The following FHOD3 variants were observed in gnomAD, a reference collection of about 807,000 sequenced individuals.
FHOD3 encodes the protein formin homology 2 domain containing 3.
Under a neutral mutation model 173.0 loss-of-function variants are expected in FHOD3, and 90 were observed. The ratio of observed to expected loss-of-function variants is 0.52; its 90% confidence interval spans 0.44 to 0.62. The LOEUF (loss-of-function observed/expected upper bound fraction) is 0.62, where lower values mean the gene tolerates loss of function less well. Ranked by LOEUF, FHOD3 falls within the 20% of genes least tolerant of loss-of-function variation. FHOD3 has a pLI of 0.00. For synonymous variants in FHOD3, 828 were observed against 823.0 expected, an observed-to-expected ratio of 1.01 and a Z score of -0.10; for missense variants, 1,945 against 2,034.7, an observed-to-expected ratio of 0.96 and a Z score of 0.85.
intron 20 of FHOD3, among the ~76,000 whole-genome samples, chr18:36,734,469 C>T (rs933676059): frequency 7.9e-5 from 12 of 152,054 alleles, no homozygotes; most frequent in African/African-American, 2.9e-4. Context: ...GATCTAAAGG[C>T]TGCCTGTGTG....
At chr18:36,542,914 C>A (rs1004395246) in intron 5 of FHOD3, among the ~76,000 whole-genome samples, 5 of 152,130 alleles carry the variant, frequency 3.3e-5, no homozygotes, top group African/African-American at 1.2e-4. Context: ...TCAGCTGGAC[C>A]AATGTCCCTA....
In FHOD3 at chr18:36,709,384, G is replaced by T. The variant is rs1391860261; in HGVS notation, c.2526G>T (p.Arg842Ser). 6.2e-7 allele frequency: 1 copy of T among 1,611,710 alleles called. No homozygotes were observed. The highest frequency in any genetic ancestry group is 2.2e-5 in the East Asian group (1 of 44,838). ...AGGAGGACAAGCTCTCCAGGGACAGGACAACTGGTAAATGAAGCCCCTTGT... is the reference window on the plus strand; with the variant it reads ...AGGAGGACAAGCTCTCCAGGGACAGTACAACTGGTAAATGAAGCCCCTTGT... ...EEKEDKLSRD[R>S]TTGLWPAGVQ... Residue 842 changes from arginine to serine, a missense_variant, in exon 18 of 29, where the codon AGG (arginine) becomes AGT (serine). Around this residue, in one of 5 missense-constraint regions of FHOD3, gnomAD observed 1,099 missense variants for 1,051.2 expected, o/e 1.05. Coordinates refer to ENST00000590592, the MANE Select transcript of FHOD3 (RefSeq NM_001281740.3).
chr18:36,517,527 G>A (rs1470622499), intron 5 of FHOD3, among the ~76,000 whole-genome samples: 2 of 152,196 alleles, frequency 1.3e-5, no homozygotes, highest in Non-Finnish European at 2.9e-5. Context: ...AATAGAAACA[G>A]TAAGACCAGC....
At chr18:36,740,102 G>T (rs929626768) in intron 20 of FHOD3, among the ~76,000 whole-genome samples, 7 of 152,048 alleles carry the variant, frequency 4.6e-5, no homozygotes, top group African/African-American at 1.7e-4. Flanking sequence ...TTCCACAATT[G>T]ATTTTTACCA....
intron 3 of FHOD3, among the ~76,000 whole-genome samples, chr18:36,451,153 C>A (rs2051819531): frequency 6.6e-6 from 1 of 152,144 alleles, no homozygotes; most frequent in Non-Finnish European, 1.5e-5. Flanking sequence ...TAGATAATGG[C>A]AAAATCAGTT....
At chr18:36,420,499 G>A (rs1351993367) in intron 3 of FHOD3, among the ~76,000 whole-genome samples, 8 of 152,158 alleles carry the variant, frequency 5.3e-5, no homozygotes, top group East Asian at 1.9e-4. Flanking sequence ...GTGCTGCCTC[G>A]GGAGGTGACT....
intron 13 of FHOD3, among the ~76,000 whole-genome samples, chr18:36,655,334 T>C (rs2036345743): frequency 6.6e-6 from 1 of 152,144 alleles, no homozygotes. Context: ...GTGATGCTGG[T>C]CTTTCTGGTG....
chr18:36,588,250 G>T (rs1326769058), intron 6 of FHOD3, among the ~76,000 whole-genome samples: 1 of 152,178 alleles, frequency 6.6e-6, no homozygotes, highest in Admixed American at 6.5e-5. Context: ...ACTCTGAGCT[G>T]CTTGCTCAGA....
intron 5 of FHOD3, among the ~76,000 whole-genome samples, chr18:36,514,078 G>T (rs1251193116): frequency 1.4e-5 from 2 of 142,100 alleles, no homozygotes; most frequent in Non-Finnish European, 3.0e-5. Flanking sequence ...GCGCGATCTC[G>T]GCTCACTGCA....
intron 3 of FHOD3, among the ~76,000 whole-genome samples, chr18:36,484,283 T>C (rs2054079447): frequency 6.6e-6 from 1 of 152,198 alleles, no homozygotes; most frequent in Non-Finnish European, 1.5e-5. Flanking sequence ...TTTTAATATA[T>C]GTCTCAGAAA....
intron 3 of FHOD3, among the ~76,000 whole-genome samples, chr18:36,451,989 GT>G (rs2051878903): frequency 6.7e-6 from 1 of 150,310 alleles, no homozygotes; most frequent in African/African-American, 2.5e-5. Context: ...GTCCACTTTT[GT>G]ACCCCCTTTG....
At chr18:36,725,790 G>A (rs560603451) in intron 19 of FHOD3, among the ~76,000 whole-genome samples, 1 of 152,216 alleles carries the variant, frequency 6.6e-6, no homozygotes, top group African/African-American at 2.4e-5. Context: ...TATTAAAAAT[G>A]GATCTTTTTA....
At chr18:36,648,086 G>A (rs879936794) in intron 10 of FHOD3, among the ~76,000 whole-genome samples, 2 of 152,234 alleles carry the variant, frequency 1.3e-5, no homozygotes, top group East Asian at 1.9e-4. Context: ...TGGTGGATCC[G>A]TAAGGACTGA....
Position 36,611,960 on chromosome 18 carries a change from A to G in FHOD3, c.822A>G (p.Ser274=), listed in dbSNP as rs894361481. The change falls in exon 9 of 29, where the codon TCA becomes TCG. Residue 274 remains serine, a synonymous_variant. Transcript: ENST00000590592. The part of the protein sequence containing the change: ...YAMTLVNKTL[S]GLPDQDTFYD... The stretch of plus-strand genomic sequence containing the variant: ...TTCTTCTCTTCTTCCAGACGTTATC[A>G]GGACTACCAGACCAAGACACCTTCT... The G allele has an allele frequency of 6.2e-7, 1 of 1,613,692 alleles. No individual in the cohort carries two copies. The highest frequency in any genetic ancestry group is 8.5e-7 in the Non-Finnish European group (1 of 1,179,836).
At chr18:36,609,582 A>T (rs1222085439) in intron 8 of FHOD3, among the ~76,000 whole-genome samples, 6 of 151,266 alleles carry the variant, frequency 4.0e-5, no homozygotes, top group Non-Finnish European at 8.8e-5. Context: ...AGCAAGGGGC[A>T]AGAGTTTCCC....
intron 3 of FHOD3, among the ~76,000 whole-genome samples, chr18:36,439,395 C>CAA (rs2050996261): frequency 6.6e-6 from 1 of 152,120 alleles, no homozygotes; most frequent in Non-Finnish European, 1.5e-5. Flanking sequence ...GCAGAGGAGT[C>CAA]AATGACTATT....
intron 1 of FHOD3, among the ~76,000 whole-genome samples, chr18:36,333,747 C>T (rs1646544909): frequency 6.6e-6 from 1 of 152,166 alleles, no homozygotes; most frequent in South Asian, 2.1e-4. Context: ...ACCTATTAAT[C>T]CTGAAACTCT....
intron 20 of FHOD3, among the ~76,000 whole-genome samples, chr18:36,736,267 G>A (rs2041625300): frequency 6.6e-6 from 1 of 152,256 alleles, no homozygotes; most frequent in South Asian, 2.1e-4. Context: ...TGTACAGTGT[G>A]CACTGTTAGC....
chr18:36,319,488 A>C (rs1165496609), intron 1 of FHOD3, among the ~76,000 whole-genome samples: 2 of 152,230 alleles, frequency 1.3e-5, no homozygotes, highest in African/African-American at 4.8e-5. Flanking sequence ...TTCATAAAGC[A>C]AGTTCTTAGA....
Sources: allele counts gnomAD v4.1 joint callset (sites outside exome capture counted in the v4.1 genomes callset), GRCh38; gene constraint gnomAD v4.1.1; regional missense constraint gnomAD v4.1.1; transcripts MANE v1.5; gene names NCBI Gene and HGNC (gene_info 2026-07-23, HGNC 2026-07-21).